LETM1: variants seen among roughly 807,000 people sequenced by gnomAD.
LETM1 encodes mitochondrial proton/calcium exchanger protein.
LETM1 carries 50 observed loss-of-function variants against 74.5 expected under a neutral mutation model. That is an observed-to-expected ratio of 0.67 (90% CI 0.53 to 0.85). The LOEUF (loss-of-function observed/expected upper bound fraction) is 0.85, where lower values mean the gene tolerates loss of function less well. Ranked by LOEUF, LETM1 falls within the 40% of genes least tolerant of loss-of-function variation. The pLI is 0.00. For synonymous variants in LETM1, 446 were observed against 407.1 expected (o/e 1.10, Z -1.15); for missense variants, 824 against 967.8 (o/e 0.85, Z 1.97).
At chr4:1,826,800 G>A (rs930082335) in intron 6 of LETM1, among the ~76,000 whole-genome samples, 1 of 152,234 alleles carries the variant, frequency 6.6e-6, no homozygotes, top group East Asian at 1.9e-4. Context: ...GCTGGCCTCC[G>A]TTTGATTTCG....
At chr4:1,827,877 G>GC (rs1220082763) in intron 6 of LETM1, among the ~76,000 whole-genome samples, 23 of 146,094 alleles carry the variant, frequency 1.6e-4, no homozygotes, top group Admixed American at 2.7e-4. Flanking sequence ...GGGCAGAGGC[G>GC]CCCCCCCCAC....
chr4:1,852,779 G>A (rs756296421), intron 1 of LETM1, among the ~76,000 whole-genome samples: 1 of 152,154 alleles, frequency 6.6e-6, no homozygotes, highest in African/African-American at 2.4e-5. Context: ...AGGATCGCTT[G>A]GAGGCTGTGG....
At chr4:1,855,374 C>A (rs999045152) in intron 1 of LETM1, among the ~76,000 whole-genome samples, 6 of 152,180 alleles carry the variant, frequency 3.9e-5, no homozygotes, top group East Asian at 1.9e-4. Flanking sequence ...GGGTGCCGGT[C>A]GCGGCCTAAT....
chr4:1,820,773 C>T (rs979774781), intron 10 of LETM1, among the ~76,000 whole-genome samples: 1 of 152,168 alleles, frequency 6.6e-6, no homozygotes, highest in African/African-American at 2.4e-5. Context: ...CCTGTAAACC[C>T]AGCACTTTGG....
Position 1,832,943 on chromosome 4 carries a change from CG to C in LETM1, c.880del (p.Arg294GlyfsTer23), listed in dbSNP as rs1560492753. On this transcript the variant is annotated frameshift_variant, in exon 6 of 14. Coordinates refer to ENST00000302787, the MANE Select transcript of LETM1 (RefSeq NM_012318.3). LOFTEE classifies it high-confidence loss of function. Reference protein sequence around the residue: ...KDFSVFFQKIRETGERPSNEE... With the variant: ...KDFSVFFQKIXETGERPSNEE... ...ATTGCTGGGCCTCTCCCCTGTTTCC[CG>C]GATCTGCGGAAGTGGTCACAAGGGT... The C allele has an allele frequency of 6.2e-7, 1 of 1,612,098 alleles. No individual in the cohort carries two copies. Among genetic ancestry groups the C allele is most frequent in the Non-Finnish European group, 8.5e-7 (1 of 1,179,906 alleles).
chr4:1,826,651 C>T (rs745523399), intron 6 of LETM1, among the ~76,000 whole-genome samples: 2 of 152,260 alleles, frequency 1.3e-5, no homozygotes, highest in African/African-American at 2.4e-5. Flanking sequence ...CGGGTTAGGC[C>T]TCTCACTGCC....
intron 13 of LETM1, 55 bp downstream of exon 13, chr4:1,815,609 C>T: frequency 6.3e-7 from 1 of 1,599,774 alleles, no homozygotes; most frequent in Non-Finnish European, 8.5e-7. Context: ...CCCCCTGCCC[C>T]ACCCCACTCC....
In LETM1 at chr4:1,812,195, TCTC is replaced by T. The variant is rs1722489103; in HGVS notation, c.*2226_*2228del. On this transcript the variant is annotated 3_prime_UTR_variant, in exon 14 of 14. Coordinates refer to ENST00000302787, the MANE Select transcript of LETM1 (RefSeq NM_012318.3). ...GCCTGGGAGACAGAGCAAGACTCTG[TCTC>T]AAAAAAAAAAAAAAAAATTAGCTGG... The T allele has an allele frequency of 2.9e-5, 1 of 34,146 alleles. No homozygotes were observed. Among genetic ancestry groups the T allele is most frequent in the African/African-American group, 1.2e-4 (1 of 8,024 alleles). 2.1% of individuals were successfully genotyped at this position (34,146 alleles called of 1,614,324 possible). A position where few individuals can be genotyped will look rare whatever the true frequency, so the allele number is the denominator to read the frequency against.
chr4:1,828,316 G>A (rs1475628814), intron 6 of LETM1, among the ~76,000 whole-genome samples: 7 of 117,828 alleles, frequency 5.9e-5, no homozygotes, highest in Admixed American at 7.7e-5. Flanking sequence ...GCGGCTGGCC[G>A]GGCAGGGGGG....
At chr4:1,840,238 G>A (rs1215408862) in intron 3 of LETM1, among the ~76,000 whole-genome samples, 3 of 152,160 alleles carry the variant, frequency 2.0e-5, no homozygotes, top group South Asian at 4.1e-4. Context: ...TTAGCCGGGT[G>A]TGATGGTATA....
chr4:1,837,828 G>C (rs182333172), intron 3 of LETM1, among the ~76,000 whole-genome samples: 1 of 150,672 alleles, frequency 6.6e-6, no homozygotes, highest in East Asian at 2.0e-4. Flanking sequence ...TCGGCCTCCA[G>C]AGTAGCTGGG....
chr4:1,821,372 G>A (rs941476836), intron 10 of LETM1, among the ~76,000 whole-genome samples: 10 of 151,524 alleles, frequency 6.6e-5, no homozygotes, highest in South Asian at 2.1e-4. Context: ...GATTACAGGC[G>A]TGAGCCACTG....
At chr4:1,821,372 G>T (rs941476836) in intron 10 of LETM1, among the ~76,000 whole-genome samples, 2 of 151,524 alleles carry the variant, frequency 1.3e-5, no homozygotes, top group Non-Finnish European at 2.9e-5. Context: ...GATTACAGGC[G>T]TGAGCCACTG....
At chr4:1,844,886 GAAAAAAAAA>G (rs971183682) in intron 2 of LETM1, among the ~76,000 whole-genome samples, 3 of 51,046 alleles carry the variant, frequency 5.9e-5, no homozygotes, top group Admixed American at 4.5e-4. Context: ...TGTCTCTACA[GAAAAAAAAA>G]AAAAAAAAAA....
At chr4:1,850,687 G>A (rs1469437002) in intron 1 of LETM1, among the ~76,000 whole-genome samples, 2 of 150,568 alleles carry the variant, frequency 1.3e-5, no homozygotes, top group African/African-American at 4.9e-5. Context: ...ACCACAGGCC[G>A]GGCATGGTGG....
At chr4:1,817,580 TAATA>T (rs1235429417) in intron 11 of LETM1, among the ~76,000 whole-genome samples, 2 of 152,022 alleles carry the variant, frequency 1.3e-5, no homozygotes, top group Non-Finnish European at 2.9e-5. Flanking sequence ...CAAAAAAAGG[TAATA>T]AATTAACTTG....
intron 3 of LETM1, among the ~76,000 whole-genome samples, chr4:1,840,812 C>A (rs75707306): frequency 6.6e-6 from 1 of 151,976 alleles, no homozygotes; most frequent in Non-Finnish European, 1.5e-5. Context: ...ACCTTGGGGA[C>A]AGAGCCCTCA....
At chr4:1,829,202 G>A (rs1189113937) in intron 6 of LETM1, among the ~76,000 whole-genome samples, 1 of 139,252 alleles carries the variant, frequency 7.2e-6, no homozygotes, top group Non-Finnish European at 1.6e-5. Flanking sequence ...CGGACGGGGC[G>A]GCTGGCCGGG....
In LETM1 at chr4:1,856,070, G is replaced by T; in HGVS notation, c.-120C>A. 3.7e-6 allele frequency: 2 copies of T among 536,728 alleles called. No individual in the cohort carries two copies. Among genetic ancestry groups the T allele is most frequent in the Non-Finnish European group, 5.5e-6 (2 of 366,918 alleles). The allele number at this position is 536,728 out of a possible 1,614,324, so 33.2% of individuals were successfully genotyped here. On this transcript the variant is annotated 5_prime_UTR_variant, in exon 1 of 14. Coordinates refer to ENST00000302787, the MANE Select transcript of LETM1 (RefSeq NM_012318.3). ...GCCCGCGCGGACGGCTGACAGAGGC[G>T]GCTGGCCTCGGACGGGAGGCGCTCT... is the stretch of plus-strand genomic sequence containing the variant.
Sources: allele counts gnomAD v4.1 joint callset (sites outside exome capture counted in the v4.1 genomes callset), GRCh38; gene constraint gnomAD v4.1.1; transcripts MANE v1.5; gene names NCBI Gene and HGNC (gene_info 2026-07-23, HGNC 2026-07-21).